The following ABCC4 variants were observed in gnomAD, a reference collection of about 807,000 sequenced individuals.
ABCC4 encodes ATP-binding cassette sub-family C member 4.
ABCC4 carries 102 observed loss-of-function variants against 168.5 expected under a neutral mutation model. That is an observed-to-expected ratio of 0.61 (90% CI 0.52 to 0.71). ABCC4 has a LOEUF of 0.71. Among genes scored for constraint, ABCC4 ranks in the 30% least tolerant of loss-of-function variants. The pLI is 0.00. For synonymous variants in ABCC4, 617 were observed against 590.7 expected, an observed-to-expected ratio of 1.04 and a Z score of -0.65; for missense variants, 1,402 against 1,605.8, an observed-to-expected ratio of 0.87 and a Z score of 2.17.
intron 20 of ABCC4, among the ~76,000 whole-genome samples, chr13:95,111,955 G>A (rs186768964): frequency 6.6e-6 from 1 of 152,298 alleles, no homozygotes; most frequent in Non-Finnish European, 1.5e-5. Context: ...AAACAGTTCA[G>A]TTCTGACCCA....
At chr13:95,151,536 T>G (rs1274628789) in intron 19 of ABCC4, among the ~76,000 whole-genome samples, 21 of 83,064 alleles carry the variant, frequency 2.5e-4, no homozygotes, top group Admixed American at 5.6e-4. Flanking sequence ...GGAAGAAGAA[T>G]GAAGAAGGAA....
At position 95,058,258 on chromosome 13, in the gene ABCC4, T is replaced by C. The variant is rs928270465; in HGVS notation, c.3366+4446A>G. On this transcript the variant is annotated intron_variant, in intron 26 of 30. Transcript: ENST00000645237. ...AGATACCTTTTGACTTTGCTGTATA[T>C]TTGCTCTCTTTGGTTATGGCTTCTG... Among the ~76,000 whole-genome samples, 6 of 152,166 alleles carry C rather than the reference T, an allele frequency of 3.9e-5. No individual in the cohort carries two copies. The South Asian group carries it at 8.3e-4, about 21-fold the overall frequency.
chr13:95,204,527 T>C (rs1256337909), intron 8 of ABCC4, among the ~76,000 whole-genome samples: 1 of 152,168 alleles, frequency 6.6e-6, no homozygotes, highest in African/African-American at 2.4e-5. Context: ...CTGCTTGCAC[T>C]TCTCCTTCCT....
At chr13:95,066,590 C>T (rs1157919776) in intron 25 of ABCC4, among the ~76,000 whole-genome samples, 2 of 152,210 alleles carry the variant, frequency 1.3e-5, no homozygotes, top group Admixed American at 6.5e-5. Context: ...GTGTTTTACA[C>T]CTCTTATCTT....
Position 95,173,777 on chromosome 13 carries a change from T to C in ABCC4, c.1728-3149A>G, listed in dbSNP as rs1386004998. Among the ~76,000 whole-genome samples the C allele has an allele frequency of 4.6e-5, 7 of 152,198 alleles. 1 individual carries two copies. Among genetic ancestry groups the C allele is most frequent in the Admixed American group, 1.3e-4 (2 of 15,284 alleles). On this transcript the variant is annotated intron_variant, in intron 13 of 30. Coordinates refer to ENST00000645237, the MANE Select transcript of ABCC4 (RefSeq NM_005845.5). The stretch of plus-strand genomic sequence containing the variant: ...ATTCCTACTGAACCCTAATCACCAA[T>C]GTAATGGTATTAGGAGGTGAGGCCT...
intron 27 of ABCC4, among the ~76,000 whole-genome samples, chr13:95,049,555 C>T (rs905642283): frequency 2.0e-5 from 3 of 151,900 alleles, no homozygotes; most frequent in South Asian, 2.1e-4. Flanking sequence ...GCAGGAGAAT[C>T]GCTTGGACCC....
chr13:95,105,270 CG>C (rs2139384123), intron 20 of ABCC4, among the ~76,000 whole-genome samples: 1 of 152,120 alleles, frequency 6.6e-6, no homozygotes, highest in South Asian at 2.1e-4. Context: ...CAGGCGGTAA[CG>C]TGAGTGATGG....
chr13:95,160,815 C>A (rs541030940), intron 19 of ABCC4, among the ~76,000 whole-genome samples: 108 of 152,178 alleles, frequency 7.1e-4, no homozygotes, highest in Non-Finnish European at 1.4e-3. Flanking sequence ...ATGGCATAAC[C>A]TAACACTATG....
chr13:95,288,078 T>C (rs1056883155), intron 1 of ABCC4, among the ~76,000 whole-genome samples: 2 of 152,030 alleles, frequency 1.3e-5, no homozygotes, highest in African/African-American at 4.8e-5. Context: ...TATTTTATAA[T>C]GTATTTTTAA....
chr13:95,131,973 C>T lies in ABCC4; in HGVS notation c.2456-15972G>A, dbSNP rs540244078. 7.2e-5 allele frequency among the ~76,000 whole-genome samples: 11 copies of T among 152,210 alleles called. No homozygotes were observed. The East Asian group carries it at 9.7e-4, about 13-fold the overall frequency. On this transcript the variant is annotated intron_variant, in intron 19 of 30. Coordinates refer to ENST00000645237, the MANE Select transcript of ABCC4 (RefSeq NM_005845.5). ...CATATATACACAACAGAAGAGACTACGGGGGTCTAAAAGAGATATGCGCAC... is the reference window on the plus strand; with the variant it reads ...CATATATACACAACAGAAGAGACTATGGGGGTCTAAAAGAGATATGCGCAC...
chr13:95,067,577 G>C (rs2033591590), intron 25 of ABCC4, among the ~76,000 whole-genome samples: 1 of 152,108 alleles, frequency 6.6e-6, no homozygotes, highest in Non-Finnish European at 1.5e-5. Context: ...GGGCCTGACA[G>C]TCTGCATTTC....
At chr13:95,214,683 C>T (rs990789672) in intron 4 of ABCC4, among the ~76,000 whole-genome samples, 3 of 151,906 alleles carry the variant, frequency 2.0e-5, no homozygotes, top group Admixed American at 1.3e-4. Context: ...CCCAGGACTT[C>T]GAGACCAGCC....
intron 29 of ABCC4, among the ~76,000 whole-genome samples, chr13:95,038,961 AAGG>A (rs1187483863): frequency 6.6e-6 from 1 of 152,176 alleles, no homozygotes; most frequent in African/African-American, 2.4e-5. Context: ...AAAAAGCAAA[AAGG>A]AGACACAGCA....
At chr13:95,196,649 G>A (rs1486724380) in intron 8 of ABCC4, among the ~76,000 whole-genome samples, 9 of 24,832 alleles carry the variant, frequency 3.6e-4, no homozygotes, top group South Asian at 3.0e-3. Flanking sequence ...AGGAAGGAAG[G>A]AAGGAAGGAA....
At chr13:95,271,165 T>C (rs1178510496) in intron 1 of ABCC4, among the ~76,000 whole-genome samples, 2 of 152,206 alleles carry the variant, frequency 1.3e-5, no homozygotes, top group Non-Finnish European at 2.9e-5. Flanking sequence ...AATAGCCAGA[T>C]GGCCTTTCTC....
intron 4 of ABCC4, among the ~76,000 whole-genome samples, chr13:95,223,231 C>T (rs1197496599): frequency 3.3e-5 from 5 of 152,094 alleles, no homozygotes; most frequent in Admixed American, 3.3e-4. Flanking sequence ...GTCAGACATA[C>T]AATGTATCAT....
At chr13:95,101,675 T>C (rs2034814445) in intron 20 of ABCC4, among the ~76,000 whole-genome samples, 1 of 152,174 alleles carries the variant, frequency 6.6e-6, no homozygotes, top group African/African-American at 2.4e-5. Context: ...AATTACGTTA[T>C]TATGAGATAT....
chr13:95,221,156 C>T (rs564188288), intron 4 of ABCC4, among the ~76,000 whole-genome samples: 1 of 152,330 alleles, frequency 6.6e-6, no homozygotes, highest in South Asian at 2.1e-4. Context: ...TTATTACAGA[C>T]AGAAAGTAAA....
intron 20 of ABCC4, among the ~76,000 whole-genome samples, chr13:95,090,010 G>A (rs763284566): frequency 1.3e-5 from 2 of 152,062 alleles, no homozygotes; most frequent in East Asian, 1.9e-4. Context: ...GCTCTGGATC[G>A]ACTTCAAGAA....
Sources: allele counts gnomAD v4.1 joint callset (sites outside exome capture counted in the v4.1 genomes callset), GRCh38; gene constraint gnomAD v4.1.1; transcripts MANE v1.5; gene names NCBI Gene and HGNC (gene_info 2026-07-23, HGNC 2026-07-21).